SLC22A9: variants seen among roughly 807,000 people sequenced by gnomAD.
SLC22A9 encodes the protein organic anion transporter 7.
In SLC22A9, 64 loss-of-function variants were observed where a neutral mutation model predicts 50.1. The ratio of observed to expected loss-of-function variants is 1.28; its 90% CI spans 1.04 to 1.57. SLC22A9 has a LOEUF of 1.57. SLC22A9 is among the 40% of genes most tolerant of loss of function. The pLI, the probability that SLC22A9 is intolerant of heterozygous loss-of-function variation, is 0.00. For synonymous variants in SLC22A9, 261 were observed against 242.5 expected (o/e 1.08, Z -0.71); for missense variants, 757 against 676.1 (o/e 1.12, Z -1.33).
Position 63,369,943 on chromosome 11 carries a change from G to C in SLC22A9, c.-114G>C. ...AGCACAGTCGTCAAGAAGAGAGTGGGGTCAGGATCAAAACACATTTAGTGT... is the reference window on the plus strand; with the variant it reads ...AGCACAGTCGTCAAGAAGAGAGTGGCGTCAGGATCAAAACACATTTAGTGT... On this transcript the variant is annotated 5_prime_UTR_variant, in exon 1 of 10. Coordinates refer to ENST00000279178, the MANE Select transcript of SLC22A9 (RefSeq NM_080866.3). The C allele has an allele frequency of 9.5e-7, 1 of 1,050,690 alleles. No individual in the cohort carries two copies. Among genetic ancestry groups the C allele is most frequent in the Non-Finnish European group, 1.4e-6 (1 of 734,640 alleles). The allele number at this position is 1,050,690 out of a possible 1,614,324, so 65.1% of individuals were successfully genotyped here.
intron 2 of SLC22A9, among the ~76,000 whole-genome samples, chr11:63,372,429 T>C (rs980858709): frequency 2.6e-5 from 4 of 152,108 alleles, no homozygotes; most frequent in Non-Finnish European, 4.4e-5. Context: ...TGCAATAAGG[T>C]GAATTAACAT....
At chr11:63,376,028 AT>A in intron 5 of SLC22A9, among the ~76,000 whole-genome samples, 1 of 152,220 alleles carries the variant, frequency 6.6e-6, no homozygotes, top group African/African-American at 2.4e-5. Context: ...TATTGTAAAG[AT>A]TTTGCATTGA....
chr11:63,371,015 G>A lies in SLC22A9; in HGVS notation c.403-120G>A, dbSNP rs1008285450. ...CAAAGGTCAGGTAATGCTGAGAAAG[G>A]AAGCCACAGAGGAAGTTAGAGACTT... On this transcript the variant is annotated intron_variant, in intron 1 of 9. Transcript: ENST00000279178. 1.1e-5 allele frequency: 7 copies of A among 656,638 alleles called. No homozygotes were observed. The African/African-American group carries it at 1.3e-4, about 12-fold the overall frequency. The allele number at this position is 656,638 out of a possible 1,614,324, so 40.7% of individuals were successfully genotyped here.
chr11:63,398,181 T>G (rs1423223866), intron 6 of SLC22A9, among the ~76,000 whole-genome samples: 1 of 152,204 alleles, frequency 6.6e-6, no homozygotes, highest in East Asian at 1.9e-4. Context: ...AGATGTCATC[T>G]GGGAGCTACA....
intron 6 of SLC22A9, among the ~76,000 whole-genome samples, chr11:63,402,116 T>C (rs928874809): frequency 6.6e-5 from 10 of 152,148 alleles, no homozygotes; most frequent in African/African-American, 9.7e-5. Context: ...CTTGGTTTAA[T>C]TAGTTCCTGC....
chr11:63,392,753 T>G (rs1208129086), intron 6 of SLC22A9, among the ~76,000 whole-genome samples: 1 of 152,114 alleles, frequency 6.6e-6, no homozygotes, highest in Non-Finnish European at 1.5e-5. Flanking sequence ...AAAACATAGC[T>G]TATACAGTTC....
intron 5 of SLC22A9, among the ~76,000 whole-genome samples, chr11:63,381,518 TGAGAATGCCTATGGCATTC>T (rs1309337687): frequency 5.3e-5 from 8 of 152,176 alleles, no homozygotes; most frequent in Admixed American, 5.2e-4. Flanking sequence ...TCTGGGCACT[TGAGAATGCCTATGGCATTC>T]TCCCACACTC....
intron 6 of SLC22A9, among the ~76,000 whole-genome samples, chr11:63,397,287 C>T (rs1042190900): frequency 2.1e-4 from 32 of 152,194 alleles, no homozygotes; most frequent in Admixed American, 2.1e-3. Context: ...AACACAAGCA[C>T]CTCTGTGGCC....
intron 6 of SLC22A9, among the ~76,000 whole-genome samples, chr11:63,389,539 C>T (rs560538438): frequency 6.6e-6 from 1 of 152,240 alleles, no homozygotes; most frequent in African/African-American, 2.4e-5. Context: ...GCATGGTATT[C>T]CATGGTGTAT....
chr11:63,390,555 G>A (rs1398453606), intron 6 of SLC22A9, among the ~76,000 whole-genome samples: 1 of 152,008 alleles, frequency 6.6e-6, no homozygotes, highest in Non-Finnish European at 1.5e-5. Context: ...TGGTACCAGT[G>A]CCATGCTGTT....
chr11:63,409,844 G>A lies in SLC22A9; in HGVS notation c.1644G>A (p.Val548=), dbSNP rs2015108375. The stretch of plus-strand genomic sequence containing the variant: ...AACCAAAGCAAGAGGATCCGAGAGT[G>A]GAAGTGACGCAGTTTTAAGGAATTC... ...PREPKQEDPR[V]EVTQF The change falls in exon 10 of 10, where the codon GTG becomes GTA. Residue 548 remains valine, a synonymous_variant. Coordinates refer to ENST00000279178, the MANE Select transcript of SLC22A9 (RefSeq NM_080866.3). The A allele has an allele frequency of 6.2e-7, 1 of 1,613,526 alleles. No homozygotes were observed. Among genetic ancestry groups the A allele is most frequent in the African/African-American group, 1.3e-5 (1 of 74,862 alleles).
rs1030183846 is a variant in SLC22A9, at chr11:63,396,126, C to G, written c.1074-10371C>G. Among the ~76,000 whole-genome samples the G allele has an allele frequency of 2.0e-5, 3 of 152,108 alleles. No individual in the cohort carries two copies. In the South Asian group the frequency reaches 6.2e-4, roughly 32 times the overall value. On this transcript the variant is annotated intron_variant, in intron 6 of 9. Transcript: ENST00000279178. ...GGCTTTAGAACCTTCCCCAGGCTAC[C>G]CACCTCCCAGCTGCAAGAGAAAAGG... is the stretch of plus-strand genomic sequence containing the variant.
chr11:63,404,187 C>T (rs1317658417), intron 6 of SLC22A9, among the ~76,000 whole-genome samples: 4 of 151,932 alleles, frequency 2.6e-5, no homozygotes, highest in South Asian at 4.2e-4. Flanking sequence ...AAGGTCATAC[C>T]CAACATGTAT....
intron 2 of SLC22A9, among the ~76,000 whole-genome samples, chr11:63,372,478 G>T (rs147736161): frequency 0.015 from 2,230 of 152,150 alleles, 22 homozygotes; most frequent in Non-Finnish European, 0.023. Flanking sequence ...CCAACAAAAA[G>T]ATTACATACT....
intron 6 of SLC22A9, among the ~76,000 whole-genome samples, chr11:63,389,731 G>C (rs989024341): frequency 1.3e-5 from 2 of 152,108 alleles, no homozygotes; most frequent in Non-Finnish European, 2.9e-5. Context: ...GGTATTTCTG[G>C]TTCCAGATCC....
chr11:63,374,934 C>T (rs2014434180), intron 4 of SLC22A9, among the ~76,000 whole-genome samples: 1 of 152,080 alleles, frequency 6.6e-6, no homozygotes, highest in South Asian at 2.1e-4. Flanking sequence ...ATCAGCTTTG[C>T]AAATACTTAT....
intron 5 of SLC22A9, among the ~76,000 whole-genome samples, chr11:63,377,172 C>A (rs115496884): frequency 1.4e-3 from 208 of 152,122 alleles, no homozygotes; most frequent in African/African-American, 4.8e-3. Flanking sequence ...TGTTCAGGAA[C>A]TAAACTCAAC....
chr11:63,374,622 C>T (rs1033979595), intron 4 of SLC22A9, among the ~76,000 whole-genome samples: 12 of 152,086 alleles, frequency 7.9e-5, no homozygotes, highest in African/African-American at 2.7e-4. Flanking sequence ...TGGATATCCT[C>T]GCCTTAACAA....
chr11:63,389,450 T>TGG (rs2014725141), intron 6 of SLC22A9, among the ~76,000 whole-genome samples: 1 of 152,146 alleles, frequency 6.6e-6, no homozygotes, highest in African/African-American at 2.4e-5. Context: ...TCTGTTCCTG[T>TGG]GTTAGTTTGC....
Sources: gnomAD v4.1 joint callset for allele counts (sites outside exome capture counted in the v4.1 genomes callset) on GRCh38, gnomAD v4.1.1 for gene constraint, MANE v1.5 for transcripts, NCBI Gene and HGNC (gene_info 2026-07-23, HGNC 2026-07-21) for gene names.